NGEF: variants seen among roughly 807,000 people sequenced by gnomAD.
NGEF encodes the protein neuronal guanine nucleotide exchange factor, also known as ephexin-1.
In NGEF, 31 loss-of-function variants were observed where a neutral mutation model predicts 80.9. The observed-to-expected ratio is 0.38, with a 90% CI of 0.29 to 0.52. The LOEUF is 0.52. Ranked by LOEUF, NGEF falls within the 20% of genes least tolerant of loss-of-function variation. The pLI, the probability that NGEF is intolerant of heterozygous loss-of-function variation, is 0.84. For synonymous variants in NGEF, 371 were observed against 370.2 expected, an observed-to-expected ratio of 1.00 and a Z score of -0.03; for missense variants, 709 against 926.2, an observed-to-expected ratio of 0.77 and a Z score of 3.04.
chr2:232,970,096 A>C, intron 3 of NGEF, 118 bp downstream of exon 3: 1 of 481,604 alleles, frequency 2.1e-6, no homozygotes, highest in African/African-American at 2.0e-5. Flanking sequence ...ACGGGCAACC[A>C]AAAGTTATTA....
At chr2:232,919,471 T>A (rs1296011812) in intron 5 of NGEF, among the ~76,000 whole-genome samples, 1 of 152,126 alleles carries the variant, frequency 6.6e-6, no homozygotes, top group Non-Finnish European at 1.5e-5. Context: ...ACCTACTTTT[T>A]AAATTTCACA....
intron 5 of NGEF, among the ~76,000 whole-genome samples, chr2:232,896,540 G>A (rs1358442897): frequency 1.4e-5 from 2 of 144,380 alleles, no homozygotes; most frequent in Non-Finnish European, 3.0e-5. Context: ...TGGGGGTGAG[G>A]GTAGGGGTGA....
chr2:232,929,056 T>C (rs1345731004), intron 3 of NGEF, among the ~76,000 whole-genome samples: 1 of 152,154 alleles, frequency 6.6e-6, no homozygotes, highest in Non-Finnish European at 1.5e-5. Flanking sequence ...CGCTGCCCGG[T>C]GTCCTTTTCC....
At chr2:232,886,715 C>T (rs1450733810) in intron 9 of NGEF, among the ~76,000 whole-genome samples, 1 of 152,164 alleles carries the variant, frequency 6.6e-6, no homozygotes, top group Non-Finnish European at 1.5e-5. Flanking sequence ...GAAAACATAC[C>T]CCTGGCCCAG....
At position 233,005,553 on chromosome 2, in the gene NGEF, A is replaced by ACC. The variant is rs201918637; in HGVS notation, c.-75+7514_-75+7515insGG. Among the ~76,000 whole-genome samples, 1,365 of 152,352 alleles carry ACC rather than the reference A, an allele frequency of 9.0e-3. 15 individuals carry two copies. The highest frequency in any genetic ancestry group is 0.024 in the African/African-American group (1,011 of 41,598). On this transcript the variant is annotated intron_variant, in intron 1 of 14. Transcript: ENST00000264051. ...CCCAGATTACTCAGGTGGATGCAGTATATTCACAAGGCTCCTTATAAGAGG... is the reference window on the plus strand; with the variant it reads ...CCCAGATTACTCAGGTGGATGCAGTACCTATTCACAAGGCTCCTTATAAGAGG...
At chr2:232,963,171 G>C (rs1005645254) in intron 3 of NGEF, among the ~76,000 whole-genome samples, 1 of 151,936 alleles carries the variant, frequency 6.6e-6, no homozygotes, top group Admixed American at 6.6e-5. Context: ...CAGTATTTAA[G>C]ACACTATGGT....
chr2:232,933,197 C>T (rs1450313047), intron 3 of NGEF, among the ~76,000 whole-genome samples: 1 of 152,070 alleles, frequency 6.6e-6, no homozygotes, highest in African/African-American at 2.4e-5. Flanking sequence ...GACCCAACTT[C>T]TCAAAGGCCC....
Position 232,974,694 on chromosome 2 carries a change from T to C in NGEF, c.197A>G (p.Asn66Ser). ...TTTGCTTTTGCGTCTTATGGAGCGATTGAAGATGGAATTTCTCTTAATTGG... is the reference window on the plus strand; with the variant it reads ...TTTGCTTTTGCGTCTTATGGAGCGACTGAAGATGGAATTTCTCTTAATTGG... ...HIPIKRNSIFNRSIRRKSKAK... is the reference protein window; with the variant it reads ...HIPIKRNSIFSRSIRRKSKAK... Residue 66 changes from asparagine to serine, a missense_variant, in exon 2 of 15, where the codon AAT (asparagine) becomes AGT (serine). Transcript: ENST00000264051. The C allele has an allele frequency of 1.9e-6, 3 of 1,614,274 alleles. No individual in the cohort carries two copies. Among genetic ancestry groups the C allele is most frequent in the Non-Finnish European group, 2.5e-6 (3 of 1,180,052 alleles).
intron 1 of NGEF, among the ~76,000 whole-genome samples, chr2:232,980,081 A>G (rs1694379875): frequency 6.6e-6 from 1 of 152,152 alleles, no homozygotes; most frequent in South Asian, 2.1e-4. Flanking sequence ...TGTGGTCAAA[A>G]GATGCTGTTG....
chr2:232,908,750 GT>G (rs796680966), intron 5 of NGEF, among the ~76,000 whole-genome samples: 12 of 144,986 alleles, frequency 8.3e-5, no homozygotes, highest in African/African-American at 1.5e-4. Flanking sequence ...TTGGTTTTTT[GT>G]TTTTTTTTTC....
chr2:232,879,346 T>TGGGCAGGGATGA lies in NGEF; in HGVS notation c.*131_*142dup. 4 of 767,748 alleles carry TGGGCAGGGATGA rather than the reference T, an allele frequency of 5.2e-6. No individual in the cohort carries two copies. In the South Asian group the frequency reaches 5.4e-5, roughly 10 times the overall value. The allele number at this position is 767,748 out of a possible 1,614,324, so 47.6% of individuals were successfully genotyped here. A position where few individuals can be genotyped will look rare whatever the true frequency, so the allele number is the denominator to read the frequency against. ...CCAAGACACATGAGCACTCACTGCG[T>TGGGCAGGGATGA]GGGCAGGGATGAGGGCCGGGCACCC... On this transcript the variant is annotated 3_prime_UTR_variant, in exon 15 of 15. Transcript: ENST00000264051.
chr2:232,962,548 C>T (rs1450553395), intron 3 of NGEF, among the ~76,000 whole-genome samples: 1 of 151,698 alleles, frequency 6.6e-6, no homozygotes, highest in Non-Finnish European at 1.5e-5. Flanking sequence ...GACTCCATCT[C>T]AAAAAGAGCT....
rs1691527602 is a variant in NGEF at position 232,882,267 on chromosome 2, TG to T, written c.1758-3del. 1 of 1,613,178 alleles carries T rather than the reference TG, an allele frequency of 6.2e-7. No individual in the cohort carries two copies. Among genetic ancestry groups the T allele is most frequent in the Non-Finnish European group, 8.5e-7 (1 of 1,179,622 alleles). On this transcript the variant is annotated splice_polypyrimidine_tract_variant and splice_region_variant and intron_variant, in intron 12 of 14. Transcript: ENST00000264051. ...GTCATCCAACGCTTCATCTCACTCC[TG>T]GCACAGGGAAGAGGACAGTGCCCCA...
chr2:232,980,898 C>T (rs1694403474), intron 1 of NGEF, among the ~76,000 whole-genome samples: 1 of 152,112 alleles, frequency 6.6e-6, no homozygotes, highest in Non-Finnish European at 1.5e-5. Context: ...GAGAAGCTGC[C>T]TGGGCGAGAG....
chr2:232,939,332 TAAATG>T lies in NGEF; in HGVS notation c.384-12151_384-12147del, dbSNP rs774039924. The stretch of plus-strand genomic sequence containing the variant: ...AGTGAGACCAATTTGTAAGCTATAA[TAAATG>T]AAACAAATAGAAAGTGATATTATTA... On this transcript the variant is annotated intron_variant, in intron 3 of 14. Transcript: ENST00000264051. Among the ~76,000 whole-genome samples the T allele has an allele frequency of 7.3e-4, 111 of 152,250 alleles. 1 individual carries two copies. Among genetic ancestry groups the T allele is most frequent in the Non-Finnish European group, 1.0e-3 (70 of 68,024 alleles).
intron 1 of NGEF, among the ~76,000 whole-genome samples, chr2:232,975,370 T>C (rs978312609): frequency 2.0e-5 from 3 of 152,284 alleles, no homozygotes; most frequent in African/African-American, 7.2e-5. Flanking sequence ...TGTGGGCTGG[T>C]GCAAGGTCTC....
At chr2:232,895,663 A>G (rs1559196667) in intron 5 of NGEF, among the ~76,000 whole-genome samples, 1 of 152,168 alleles carries the variant, frequency 6.6e-6, no homozygotes, top group Non-Finnish European at 1.5e-5. Flanking sequence ...GCCCAGCAGA[A>G]AAGCGTCAGG....
intron 5 of NGEF, among the ~76,000 whole-genome samples, chr2:232,898,652 C>T (rs12477794): frequency 0.11 from 16,936 of 152,286 alleles, 1,055 homozygotes; most frequent in South Asian, 0.27. Context: ...AGGCTCTGCT[C>T]GCTCTTCATT....
intron 5 of NGEF, among the ~76,000 whole-genome samples, chr2:232,900,552 G>A (rs1322946831): frequency 9.8e-6 from 1 of 102,086 alleles, no homozygotes; most frequent in African/African-American, 4.0e-5. Flanking sequence ...TCATATACAC[G>A]TTCACTCACA....
Sources: allele counts gnomAD v4.1 joint callset (sites outside exome capture counted in the v4.1 genomes callset), GRCh38; gene constraint gnomAD v4.1.1; transcripts MANE v1.5; gene names NCBI Gene and HGNC (gene_info 2026-07-23, HGNC 2026-07-21).